The following AUH variants were observed in gnomAD, a reference collection of about 807,000 sequenced individuals.
AUH encodes methylglutaconyl-CoA hydratase, mitochondrial.
In AUH, 29 loss-of-function variants were observed where a neutral mutation model predicts 42.3. That is an observed-to-expected ratio of 0.69 (90% CI 0.51 to 0.93). The LOEUF is 0.93. Among genes scored for constraint, AUH ranks in the 40% least tolerant of loss-of-function variants. AUH has a pLI of 0.00. For synonymous variants in AUH, 174 were observed against 166.4 expected (o/e 1.05, Z -0.35); for missense variants, 452 against 438.1 (o/e 1.03, Z -0.28).
At chr9:91,330,066 G>A (rs898079328) in intron 3 of AUH, among the ~76,000 whole-genome samples, 3 of 152,084 alleles carry the variant, frequency 2.0e-5, no homozygotes, top group Non-Finnish European at 4.4e-5. Context: ...GCAGATAACT[G>A]TATATGAAGA....
At chr9:91,222,428 TTTTCA>T (rs1364324272) in intron 6 of AUH, among the ~76,000 whole-genome samples, 6 of 152,236 alleles carry the variant, frequency 3.9e-5, no homozygotes, top group African/African-American at 1.4e-4. Context: ...ATACAGACTG[TTTTCA>T]AACAAATACA....
intron 3 of AUH, among the ~76,000 whole-genome samples, chr9:91,330,203 G>A (rs79434453): frequency 0.11 from 16,963 of 151,918 alleles, 1,055 homozygotes; most frequent in African/African-American, 0.16. Context: ...GTGAAATCTC[G>A]AAAAGATATC....
chr9:91,239,087 C>T (rs1828351358), intron 6 of AUH, among the ~76,000 whole-genome samples: 1 of 151,996 alleles, frequency 6.6e-6, no homozygotes, highest in Admixed American at 6.5e-5. Flanking sequence ...CTGACCATAC[C>T]TTATGACTTT....
intron 6 of AUH, among the ~76,000 whole-genome samples, chr9:91,275,698 A>G (rs915868411): frequency 1.3e-5 from 2 of 152,194 alleles, no homozygotes; most frequent in Admixed American, 6.5e-5. Flanking sequence ...TTATCACCCA[A>G]AAGGATGACT....
At chr9:91,222,048 G>A (rs138040492) in intron 6 of AUH, among the ~76,000 whole-genome samples, 25 of 137,256 alleles carry the variant, frequency 1.8e-4, no homozygotes, top group African/African-American at 6.5e-4. Context: ...GCAAACTGAC[G>A]CCCACCATCT....
chr9:91,216,123 A>G lies in AUH; in HGVS notation c.895-17T>C. Reference sequence around the variant, plus strand: ...TAAATCGACCTGAGAATAAAAACATAATCCATTTCAGCAGAAATAACTTTG... The same window carrying G: ...TAAATCGACCTGAGAATAAAAACATGATCCATTTCAGCAGAAATAACTTTG... On this transcript the variant is annotated splice_polypyrimidine_tract_variant and intron_variant, in intron 8 of 9. Transcript: ENST00000375731. 1 of 1,610,016 alleles carries G rather than the reference A, an allele frequency of 6.2e-7. No homozygotes were observed. Among genetic ancestry groups the G allele is most frequent in the Non-Finnish European group, 8.5e-7 (1 of 1,177,112 alleles).
At chr9:91,339,557 G>A (rs182553810) in intron 3 of AUH, among the ~76,000 whole-genome samples, 9 of 152,268 alleles carry the variant, frequency 5.9e-5, no homozygotes, top group Non-Finnish European at 1.0e-4. Flanking sequence ...GTACAGAAAT[G>A]GTTGTAAACA....
In AUH at chr9:91,352,351, G is replaced by A. The variant is rs1258594346; in HGVS notation, c.418+3532C>T. Among the ~76,000 whole-genome samples, 3 of 151,938 alleles carry A rather than the reference G, an allele frequency of 2.0e-5. No individual in the cohort carries two copies. The East Asian group carries it at 5.8e-4, about 29-fold the overall frequency. Reference sequence around the variant, plus strand: ...CTGTTAACCAAAATGTTGTTATGGAGCACATGACTGTATTTGTGTATATAT... The same window carrying A: ...CTGTTAACCAAAATGTTGTTATGGAACACATGACTGTATTTGTGTATATAT... On this transcript the variant is annotated intron_variant, in intron 3 of 9. Coordinates refer to ENST00000375731, the MANE Select transcript of AUH (RefSeq NM_001698.3).
chr9:91,259,129 T>C (rs372897056), intron 6 of AUH, among the ~76,000 whole-genome samples: 12 of 152,332 alleles, frequency 7.9e-5, no homozygotes, highest in South Asian at 6.2e-4. Flanking sequence ...CTGAACTCAC[T>C]AGTGAAGCTA....
At chr9:91,285,721 C>T (rs1826349692) in intron 6 of AUH, among the ~76,000 whole-genome samples, 1 of 152,140 alleles carries the variant, frequency 6.6e-6, no homozygotes, top group South Asian at 2.1e-4. Flanking sequence ...CAGCAAATAA[C>T]TCCCAAACCA....
chr9:91,250,786 C>T (rs1045556456), intron 6 of AUH, among the ~76,000 whole-genome samples: 3 of 152,190 alleles, frequency 2.0e-5, no homozygotes, highest in Non-Finnish European at 4.4e-5. Context: ...CGTCTTTTGA[C>T]GGCAGAGAGT....
At position 91,313,307 on chromosome 9, in the gene AUH, A is replaced by G. The variant is rs1255526186; in HGVS notation, c.505+12011T>C. Reference sequence around the variant, plus strand: ...CAAAACAATGGCCTCCCATAATTTTAACAGTACAATGCAGGATCCTCCACC... The same window carrying G: ...CAAAACAATGGCCTCCCATAATTTTGACAGTACAATGCAGGATCCTCCACC... On this transcript the variant is annotated intron_variant, in intron 4 of 9. Coordinates refer to ENST00000375731, the MANE Select transcript of AUH (RefSeq NM_001698.3). Among the ~76,000 whole-genome samples, 4 of 152,216 alleles carry G rather than the reference A, an allele frequency of 2.6e-5. 1 individual carries two copies. The East Asian group carries it at 5.8e-4, about 22-fold the overall frequency.
chr9:91,215,656 A>G (rs947511041), intron 9 of AUH, among the ~76,000 whole-genome samples: 3 of 152,126 alleles, frequency 2.0e-5, no homozygotes, highest in Admixed American at 1.3e-4. Context: ...TGGTCAGGAG[A>G]GACAGATCAG....
rs527939615 is a variant in AUH, at chr9:91,333,320, ATATTT to A, written c.419-7921_419-7917del. Among the ~76,000 whole-genome samples the A allele has an allele frequency of 4.9e-4, 74 of 152,276 alleles. 1 individual carries two copies. Among genetic ancestry groups the A allele is most frequent in the Non-Finnish European group, 9.1e-4 (62 of 68,030 alleles). ...ATATAACTGGTATTTGTGCTTTAAA[ATATTT>A]TATTTGTCATTCTGTCACATTTCTT... On this transcript the variant is annotated intron_variant, in intron 3 of 9. Transcript: ENST00000375731.
At chr9:91,314,032 A>G (rs1302195299) in intron 4 of AUH, among the ~76,000 whole-genome samples, 1 of 151,920 alleles carries the variant, frequency 6.6e-6, no homozygotes, top group Non-Finnish European at 1.5e-5. Context: ...CCATGTTGGC[A>G]AGGCTGGTCT....
intron 4 of AUH, among the ~76,000 whole-genome samples, chr9:91,304,312 CTTT>C (rs936788976): frequency 2.6e-5 from 4 of 152,104 alleles, no homozygotes; most frequent in Admixed American, 1.3e-4. Context: ...ACTAAATTTA[CTTT>C]TTTACTAGGA....
intron 6 of AUH, among the ~76,000 whole-genome samples, chr9:91,256,302 G>A (rs1388167521): frequency 6.6e-6 from 1 of 152,106 alleles, no homozygotes; most frequent in African/African-American, 2.4e-5. Context: ...TAATGAGACA[G>A]GAAGTGGGAC....
At chr9:91,251,699 T>C (rs1428059718) in intron 6 of AUH, among the ~76,000 whole-genome samples, 1 of 152,230 alleles carries the variant, frequency 6.6e-6, no homozygotes, top group Non-Finnish European at 1.5e-5. Flanking sequence ...CATTCCCTCA[T>C]AACCCAACAG....
chr9:91,254,289 C>A (rs1040621923), intron 6 of AUH, among the ~76,000 whole-genome samples: 3 of 152,158 alleles, frequency 2.0e-5, no homozygotes, highest in Non-Finnish European at 4.4e-5. Flanking sequence ...GAGGAAGCTG[C>A]GGAAAGTCTT....
Sources: gnomAD v4.1 joint callset for allele counts (sites outside exome capture counted in the v4.1 genomes callset) on GRCh38, gnomAD v4.1.1 for gene constraint, MANE v1.5 for transcripts, NCBI Gene and HGNC (gene_info 2026-07-23, HGNC 2026-07-21) for gene names.